Variants in TNFRSF10B observed in about 807,000 individuals in gnomAD.
The protein encoded by TNFRSF10B is TNF receptor superfamily member 10b, also known as tumor necrosis factor receptor superfamily member 10B.
TNFRSF10B carries 35 observed loss-of-function variants against 41.4 expected under a neutral mutation model. The observed-to-expected ratio is 0.85, with a 90% CI of 0.65 to 1.12. The LOEUF is 1.12. Ranked by LOEUF, TNFRSF10B falls within the 50% of genes most tolerant of loss-of-function variation. The probability of loss-of-function intolerance (pLI) is 0.00; values close to 1 mark genes in which losing one functional copy is unlikely to be tolerated. For synonymous variants in TNFRSF10B, 230 were observed against 215.5 expected (o/e 1.07, Z -0.59); for missense variants, 584 against 552.7 (o/e 1.06, Z -0.57).
At chr8:23,025,481 A>T (rs1026260105) in intron 7 of TNFRSF10B, among the ~76,000 whole-genome samples, 1 of 152,220 alleles carries the variant, frequency 6.6e-6, no homozygotes, top group Non-Finnish European at 1.5e-5. Flanking sequence ...AAATTATAAG[A>T]TGTGTAAAAA....
intron 2 of TNFRSF10B, 100 bp from the exon 3 acceptor site, chr8:23,030,972 A>C: frequency 2.5e-6 from 2 of 814,588 alleles, no homozygotes; most frequent in Admixed American, 4.0e-5. Context: ...GTGTGGAACC[A>C]AAAGAGGGAA....
intron 2 of TNFRSF10B, among the ~76,000 whole-genome samples, chr8:23,039,291 C>T (rs985979093): frequency 1.3e-4 from 20 of 151,968 alleles, no homozygotes; most frequent in African/African-American, 4.4e-4. Context: ...GGTCCATGGC[C>T]TGGGGGTCAG....
At chr8:23,040,173 C>T (rs73543031) in intron 2 of TNFRSF10B, among the ~76,000 whole-genome samples, 42,148 of 146,728 alleles carry the variant, frequency 0.29, 6,211 homozygotes, top group South Asian at 0.37. Flanking sequence ...AGAGCAGACC[C>T]TGTCTCAAAA....
In TNFRSF10B at chr8:23,068,812, G is replaced by C. The variant is rs977260397; in HGVS notation, c.83C>G (p.Ala28Gly). The change falls in exon 1 of 9, where the codon GCC (alanine) becomes GGC (glycine). Residue 28 changes from alanine to glycine, a missense_variant. Physicochemically the swap from Ala to Gly is moderately conservative, Grantham distance 60. Transcript: ENST00000276431. Reference protein sequence around the residue: ...HGPGPREARGARPGPRVPKTL... With the variant: ...HGPGPREARGGRPGPRVPKTL... ...CTTGGGGACCCGGGGCCCAGGCCTG[G>C]CTCCCCGCGCCTCCCTGGGTCCTGG... 6 of 1,611,566 alleles carry C rather than the reference G, an allele frequency of 3.7e-6. No individual in the cohort carries two copies. In the African/African-American group the frequency reaches 6.7e-5, roughly 18 times the overall value.
intron 1 of TNFRSF10B, among the ~76,000 whole-genome samples, chr8:23,063,289 A>T (rs983081927): frequency 6.6e-6 from 1 of 151,466 alleles, no homozygotes; most frequent in Non-Finnish European, 1.5e-5. Flanking sequence ...CAGAGGTTGC[A>T]GTGAGCCGAG....
Position 23,020,588 on chromosome 8 carries a change from A to C in TNFRSF10B, c.*2083T>G, listed in dbSNP as rs1471324632. The C allele has an allele frequency of 6.7e-6, 3 of 449,508 alleles. No individual in the cohort carries two copies. Among genetic ancestry groups the C allele is most frequent in the Admixed American group, 2.4e-5 (1 of 42,208 alleles). The allele number at this position is 449,508 out of a possible 1,614,324, so 27.8% of individuals were successfully genotyped here. On this transcript the variant is annotated 3_prime_UTR_variant, in exon 9 of 9. Coordinates refer to ENST00000276431, the MANE Select transcript of TNFRSF10B (RefSeq NM_003842.5). Reference sequence around the variant, plus strand: ...GTGCCTGCAATCCCAGCTACTCCGGAGGCTGAGGCACGAGAATCGCTTGAA... The same window carrying C: ...GTGCCTGCAATCCCAGCTACTCCGGCGGCTGAGGCACGAGAATCGCTTGAA...
chr8:23,037,801 C>A (rs1429052474), intron 2 of TNFRSF10B, among the ~76,000 whole-genome samples: 2 of 152,204 alleles, frequency 1.3e-5, no homozygotes, highest in East Asian at 3.8e-4. Context: ...CTGAATTATC[C>A]TCCAATACAT....
At chr8:23,065,282 G>GT (rs1203806668) in intron 1 of TNFRSF10B, among the ~76,000 whole-genome samples, 1 of 152,190 alleles carries the variant, frequency 6.6e-6, no homozygotes, top group African/African-American at 2.4e-5. Context: ...AGCTCACTGC[G>GT]TAAGGACAGC....
intron 2 of TNFRSF10B, among the ~76,000 whole-genome samples, chr8:23,034,918 G>A (rs1193073008): frequency 1.3e-5 from 2 of 152,196 alleles, no homozygotes; most frequent in Non-Finnish European, 2.9e-5. Flanking sequence ...GGTGATTCCA[G>A]TTATAACTGT....
intron 1 of TNFRSF10B, among the ~76,000 whole-genome samples, chr8:23,056,315 A>G (rs193247288): frequency 4.6e-5 from 7 of 152,270 alleles, no homozygotes; most frequent in Non-Finnish European, 7.4e-5. Flanking sequence ...AAGTAGATTT[A>G]CTTTGTTTTT....
At chr8:23,059,479 C>T (rs910647832) in intron 1 of TNFRSF10B, among the ~76,000 whole-genome samples, 12 of 151,996 alleles carry the variant, frequency 7.9e-5, no homozygotes, top group Non-Finnish European at 1.6e-4. Context: ...AACTTCTCTA[C>T]AAATTTGCTA....
Position 23,029,726 on chromosome 8 carries a change from C to T in TNFRSF10B, c.365-5G>A, listed in dbSNP as rs779502123. On this transcript the variant is annotated splice_region_variant and splice_polypyrimidine_tract_variant and intron_variant, in intron 3 of 8. Transcript: ENST00000276431. ...AGGGACTTAGCTCCACTTCACCTGACGACAGAGCATAAGGTTTTGGGAATG... is the reference window on the plus strand; with the variant it reads ...AGGGACTTAGCTCCACTTCACCTGATGACAGAGCATAAGGTTTTGGGAATG... 23 of 1,612,228 alleles carry T rather than the reference C, an allele frequency of 1.4e-5. No individual in the cohort carries two copies. Among genetic ancestry groups the T allele is most frequent in the East Asian group, 4.5e-5 (2 of 44,862 alleles).
chr8:23,065,911 ATAACT>A (rs1260359018), intron 1 of TNFRSF10B, among the ~76,000 whole-genome samples: 2 of 152,228 alleles, frequency 1.3e-5, no homozygotes, highest in Non-Finnish European at 2.9e-5. Flanking sequence ...GATAGATTAA[ATAACT>A]TAAAACAGGT....
intron 1 of TNFRSF10B, among the ~76,000 whole-genome samples, chr8:23,058,550 A>G (rs1051629361): frequency 3.3e-5 from 5 of 151,902 alleles, no homozygotes; most frequent in African/African-American, 1.2e-4. Flanking sequence ...CCATGGCACA[A>G]TCTCGGCTCA....
In TNFRSF10B at chr8:23,059,652, G is replaced by A. The variant is rs7010140; in HGVS notation, c.144+9099C>T. Among the ~76,000 whole-genome samples, 1,374 of 151,688 alleles carry A rather than the reference G, an allele frequency of 9.1e-3. 28 individuals carry two copies. The highest frequency in any genetic ancestry group is 0.032 in the African/African-American group (1,319 of 41,300). ...CTCCCAAGTAGCTGGGACTACAGGC[G>A]CCTGCCACCACGCCGGGCTAATTTT... is the stretch of plus-strand genomic sequence containing the variant. On this transcript the variant is annotated intron_variant, in intron 1 of 8. Coordinates refer to ENST00000276431, the MANE Select transcript of TNFRSF10B (RefSeq NM_003842.5).
intron 3 of TNFRSF10B, 43 bp downstream of exon 3, chr8:23,030,716 C>T (rs371279725): frequency 1.4e-6 from 2 of 1,476,560 alleles, no homozygotes; most frequent in Admixed American, 1.8e-5. Context: ...TATGTCATCA[C>T]CCCGCATTCC....
At chr8:23,045,226 T>C (rs1479721468) in intron 1 of TNFRSF10B, among the ~76,000 whole-genome samples, 2 of 151,268 alleles carry the variant, frequency 1.3e-5, no homozygotes, top group South Asian at 4.2e-4. Flanking sequence ...GGAGACTCTG[T>C]CTCAAATAAA....
chr8:23,040,114 T>C (rs1812127326), intron 2 of TNFRSF10B, among the ~76,000 whole-genome samples: 1 of 151,260 alleles, frequency 6.6e-6, no homozygotes, highest in African/African-American at 2.4e-5. Context: ...CCAGCAGCCA[T>C]AGGCTGCAGT....
At chr8:23,067,480 A>C (rs6997701) in intron 1 of TNFRSF10B, among the ~76,000 whole-genome samples, 29,706 of 151,932 alleles carry the variant, frequency 0.2, 3,477 homozygotes, top group East Asian at 0.48. Flanking sequence ...AAACAAACCA[A>C]ATCACTGCAA....
Sources: allele counts gnomAD v4.1 joint callset (sites outside exome capture counted in the v4.1 genomes callset), GRCh38; gene constraint gnomAD v4.1.1; transcripts MANE v1.5; gene names NCBI Gene and HGNC (gene_info 2026-07-23, HGNC 2026-07-21).